RXFP1: variants seen among roughly 807,000 people sequenced by gnomAD.
RXFP1 encodes relaxin receptor 1.
In RXFP1, 73 loss-of-function variants were observed where a neutral mutation model predicts 89.8. The ratio of observed to expected loss-of-function variants is 0.81; its 90% CI spans 0.67 to 0.99. RXFP1 has a LOEUF of 0.99. RXFP1 is among the 50% of genes least tolerant of loss of function. RXFP1 has a pLI of 0.00. For synonymous variants in RXFP1, 277 were observed against 305.5 expected, an observed-to-expected ratio of 0.91 and a Z score of 0.97; for missense variants, 793 against 895.5, an observed-to-expected ratio of 0.89 and a Z score of 1.46.
intron 17 of RXFP1, among the ~76,000 whole-genome samples, chr4:158,649,150 G>A (rs1040589724): frequency 6.6e-5 from 10 of 151,958 alleles, no homozygotes; most frequent in Non-Finnish European, 1.2e-4. Context: ...GGTACTTTTG[G>A]CTCTGCTCAT....
intron 5 of RXFP1, 40 bp from the exon 6 acceptor site, chr4:158,607,932 C>T (rs1261101922): frequency 7.3e-7 from 1 of 1,365,364 alleles, no homozygotes; most frequent in East Asian, 2.3e-5. Flanking sequence ...AAGTGAAACT[C>T]TGCTTCATTT....
At chr4:158,637,933 C>A in intron 12 of RXFP1, 75 bp from the exon 13 acceptor site, 1 of 892,000 alleles carries the variant, frequency 1.1e-6, no homozygotes, top group Non-Finnish European at 1.8e-6. Flanking sequence ...TAAAGTAACC[C>A]AAAATAAACA....
At chr4:158,534,946 C>A (rs1560958821) in intron 1 of RXFP1, among the ~76,000 whole-genome samples, 1 of 147,450 alleles carries the variant, frequency 6.8e-6, no homozygotes, top group African/African-American at 2.5e-5. Context: ...TAATATATTA[C>A]ATAAAAATAT....
At chr4:158,551,394 A>AT (rs1750075755) in intron 1 of RXFP1, among the ~76,000 whole-genome samples, 1 of 152,230 alleles carries the variant, frequency 6.6e-6, no homozygotes, top group African/African-American at 2.4e-5. Flanking sequence ...ACTGAAACAA[A>AT]TAAGAATTAA....
rs180974355 is a variant in RXFP1 at position 158,564,600 on chromosome 4, C to G, written c.50-8098C>G. ...TATAAACTCTGTTGTCTCTCACCCT[C>G]TCAAAATTGTCAACCACTTAAAAAA... is the stretch of plus-strand genomic sequence containing the variant. On this transcript the variant is annotated intron_variant, in intron 1 of 17. Transcript: ENST00000307765. Among the ~76,000 whole-genome samples, 24 of 152,236 alleles carry G rather than the reference C, an allele frequency of 1.6e-4. No homozygotes were observed. In the East Asian group the frequency reaches 2.3e-3, roughly 15 times the overall value.
intron 1 of RXFP1, among the ~76,000 whole-genome samples, chr4:158,529,584 A>T (rs1330318252): frequency 6.6e-6 from 1 of 152,042 alleles, no homozygotes; most frequent in Non-Finnish European, 1.5e-5. Context: ...ATCCTGCTAC[A>T]TGCTTGGGTT....
chr4:158,605,179 C>A, intron 5 of RXFP1, 40 bp downstream of exon 5: 1 of 1,241,772 alleles, frequency 8.1e-7, no homozygotes, highest in Non-Finnish European at 1.2e-6. Context: ...AATTAACTAG[C>A]ATTTTTGGCC....
chr4:158,557,123 T>A (rs1751482193), intron 1 of RXFP1, among the ~76,000 whole-genome samples: 1 of 152,216 alleles, frequency 6.6e-6, no homozygotes, highest in African/African-American at 2.4e-5. Flanking sequence ...AGATGATGGA[T>A]ACACTAACTA....
chr4:158,626,153 T>TAGATAGATAGAC, intron 9 of RXFP1, among the ~76,000 whole-genome samples: 1 of 151,678 alleles, frequency 6.6e-6, no homozygotes, highest in East Asian at 1.9e-4. Context: ...GATAGATAGA[T>TAGATAGATAGAC]AGATAGATAG....
chr4:158,597,973 G>C (rs1439830358), intron 3 of RXFP1, among the ~76,000 whole-genome samples: 1 of 152,136 alleles, frequency 6.6e-6, no homozygotes, highest in Non-Finnish European at 1.5e-5. Flanking sequence ...CTAAATCTAG[G>C]TTATGGTCCT....
intron 2 of RXFP1, among the ~76,000 whole-genome samples, chr4:158,577,922 C>T (rs1756580164): frequency 6.6e-6 from 1 of 152,078 alleles, no homozygotes; most frequent in Non-Finnish European, 1.5e-5. Flanking sequence ...TAATTAAACA[C>T]TTTATTAAGT....
At chr4:158,570,088 G>A (rs13101591) in intron 1 of RXFP1, among the ~76,000 whole-genome samples, 104,360 of 152,082 alleles carry the variant, frequency 0.69, 41,843 homozygotes, top group East Asian at 0.97. Context: ...TCCTAGAAAC[G>A]CAATTGCAAA....
chr4:158,645,290 A>G (rs1204170745), intron 15 of RXFP1, 152 bp downstream of exon 15: 4 of 623,212 alleles, frequency 6.4e-6, no homozygotes, highest in Non-Finnish European at 1.1e-5. Flanking sequence ...TACAAAGAAA[A>G]TAGAATTACT....
Position 158,612,154 on chromosome 4 carries a change from C to G in RXFP1, c.561C>G (p.Thr187=). The G allele has an allele frequency of 6.2e-7, 1 of 1,610,686 alleles. No individual in the cohort carries two copies. The highest frequency in any genetic ancestry group is 1.1e-5 in the South Asian group (1 of 89,846). ...GGTATCTCAGTCATAACAGAATAAC[C>G]TTCCTGAAGCCGGGTGTTTTTGAAG... ...TKLYLSHNRI[T]FLKPGVFEDL... Residue 187 remains threonine, a synonymous_variant, in exon 7 of 18, where the codon ACC becomes ACG. Coordinates refer to ENST00000307765, the MANE Select transcript of RXFP1 (RefSeq NM_021634.4).
intron 9 of RXFP1, among the ~76,000 whole-genome samples, chr4:158,618,433 A>G (rs1192031686): frequency 6.6e-6 from 1 of 152,092 alleles, no homozygotes; most frequent in Non-Finnish European, 1.5e-5. Flanking sequence ...TATTACTAAA[A>G]AAATTAAAAT....
intron 1 of RXFP1, among the ~76,000 whole-genome samples, chr4:158,546,236 A>C (rs904514846): frequency 1.3e-4 from 20 of 152,064 alleles, no homozygotes; most frequent in African/African-American, 4.8e-4. Flanking sequence ...TTCATTCATG[A>C]TTTGGCTCTC....
intron 1 of RXFP1, chr4:158,543,582 T>A: frequency 5.3e-6 from 1 of 187,614 alleles, no homozygotes; most frequent in Non-Finnish European, 1.0e-5. Flanking sequence ...CAGAGGAAAA[T>A]GGGAAATAGA....
At chr4:158,570,538 C>G (rs571279628) in intron 1 of RXFP1, among the ~76,000 whole-genome samples, 4 of 152,156 alleles carry the variant, frequency 2.6e-5, no homozygotes, top group African/African-American at 9.6e-5. Flanking sequence ...TCCATTCTAC[C>G]CCTAAATTAC....
At chr4:158,571,591 G>A (rs1177441745) in intron 1 of RXFP1, among the ~76,000 whole-genome samples, 3 of 152,184 alleles carry the variant, frequency 2.0e-5, no homozygotes, top group African/African-American at 7.2e-5. Context: ...GAACCTGGGA[G>A]GCGGAGGTTG....
Sources: gnomAD v4.1 joint callset for allele counts (sites outside exome capture counted in the v4.1 genomes callset) on GRCh38, gnomAD v4.1.1 for gene constraint, MANE v1.5 for transcripts, NCBI Gene and HGNC (gene_info 2026-07-23, HGNC 2026-07-21) for gene names.